HSD17B2: variants seen among roughly 807,000 people sequenced by gnomAD.
HSD17B2 encodes the protein hydroxysteroid 17-beta dehydrogenase 2, also known as 17-beta-hydroxysteroid dehydrogenase type 2.
A neutral mutation model predicts 26.9 loss-of-function variants in HSD17B2; 32 were observed. That is an observed-to-expected ratio of 1.19 (90% CI 0.90 to 1.60). The LOEUF (loss-of-function observed/expected upper bound fraction) is 1.60, where lower values mean the gene tolerates loss of function less well. Among genes scored for constraint, HSD17B2 ranks in the 40% most tolerant of loss-of-function variants. The pLI, the probability that HSD17B2 is intolerant of heterozygous loss-of-function variation, is 0.00. For missense variants in HSD17B2, 613 were observed against 468.6 expected (o/e 1.31, Z -2.85); for synonymous variants, 246 against 186.7 (o/e 1.32, Z -2.59).
At chr16:82,057,623 T>C (rs757035381) in intron 1 of HSD17B2, among the ~76,000 whole-genome samples, 1 of 152,154 alleles carries the variant, frequency 6.6e-6, no homozygotes, top group Non-Finnish European at 1.5e-5. Flanking sequence ...CAGGTCAACA[T>C]CTTCCAGGTC....
chr16:82,094,443 G>A (rs1247346576), intron 4 of HSD17B2: 2 of 152,256 alleles, frequency 1.3e-5, no homozygotes, highest in African/African-American at 2.4e-5. Flanking sequence ...GCTGAGTTGG[G>A]GTGGATAACA....
At chr16:82,090,406 C>A (rs1244400455) in intron 3 of HSD17B2, among the ~76,000 whole-genome samples, 1 of 145,046 alleles carries the variant, frequency 6.9e-6, no homozygotes, top group Non-Finnish European at 1.5e-5. Flanking sequence ...CAACCTCTGC[C>A]CCCTGGGGTC....
At position 82,091,107 on chromosome 16, in the gene HSD17B2, G is replaced by C. The variant is rs1377243683; in HGVS notation, c.802+68G>C. ...GGAACCCCGAAGGTCCTCTTGGTCTGACAGAGCACACATTGAACCCCTCAT... is the reference window on the plus strand; with the variant it reads ...GGAACCCCGAAGGTCCTCTTGGTCTCACAGAGCACACATTGAACCCCTCAT... On this transcript the variant is annotated intron_variant, in intron 4 of 4. Coordinates refer to ENST00000199936, the MANE Select transcript of HSD17B2 (RefSeq NM_002153.3). The C allele has an allele frequency of 2.0e-6, 3 of 1,464,812 alleles. No individual in the cohort carries two copies. The African/African-American group carries it at 4.2e-5, about 20-fold the overall frequency. The allele number at this position is 1,464,812 out of a possible 1,614,324, so 90.7% of individuals were successfully genotyped here. A position where few individuals can be genotyped will look rare whatever the true frequency, so the allele number is the denominator to read the frequency against.
At chr16:82,070,416 AC>A (rs1914671288) in intron 2 of HSD17B2, among the ~76,000 whole-genome samples, 1 of 152,080 alleles carries the variant, frequency 6.6e-6, no homozygotes, top group Non-Finnish European at 1.5e-5. Context: ...CCTCCTTGCA[AC>A]CCATCTTTCC....
At chr16:82,084,554 A>AT (rs1399615924) in intron 3 of HSD17B2, among the ~76,000 whole-genome samples, 14 of 136,944 alleles carry the variant, frequency 1.0e-4, no homozygotes, top group South Asian at 5.1e-4. Flanking sequence ...TCTTTTTATT[A>AT]TTATTTTTTT....
Position 82,068,253 on chromosome 16 carries a change from A to G in HSD17B2, c.349A>G (p.Asn117Asp), listed in dbSNP as rs1305286757. The change falls in exon 2 of 5, where the codon AAT (asparagine) becomes GAT (aspartate). Residue 117 changes from asparagine to aspartate, a missense_variant. Transcript: ENST00000199936. ...GGTATTTGCCGGAGTTTTGAATGAA[A>G]ATGGCCCAGGAGCTGAGGAATTGCG... ...FTVFAGVLNE[N>D]GPGAEELRRT... 6.2e-7 allele frequency: 1 copy of G among 1,613,812 alleles called. No individual in the cohort carries two copies. Among genetic ancestry groups the G allele is most frequent in the Non-Finnish European group, 8.5e-7 (1 of 1,179,992 alleles).
At chr16:82,041,217 C>A (rs942694170) in intron 1 of HSD17B2, among the ~76,000 whole-genome samples, 2 of 152,196 alleles carry the variant, frequency 1.3e-5, no homozygotes, top group Non-Finnish European at 2.9e-5. Context: ...TCTTCTCAGT[C>A]TCTCAGCACG....
At chr16:82,037,125 G>C (rs1185385889) in intron 1 of HSD17B2, among the ~76,000 whole-genome samples, 4 of 152,216 alleles carry the variant, frequency 2.6e-5, no homozygotes, top group African/African-American at 9.7e-5. Context: ...TGTTGAGTGA[G>C]GATGATTGAA....
intron 2 of HSD17B2, among the ~76,000 whole-genome samples, chr16:82,069,121 G>A (rs1426234483): frequency 1.3e-5 from 2 of 152,056 alleles, no homozygotes; most frequent in South Asian, 2.1e-4. Flanking sequence ...GCGTCCATGT[G>A]TTCTCACTGT....
At chr16:82,055,545 T>A (rs183696079) in intron 1 of HSD17B2, among the ~76,000 whole-genome samples, 2 of 152,272 alleles carry the variant, frequency 1.3e-5, no homozygotes, top group Non-Finnish European at 2.9e-5. Flanking sequence ...ATGGAGTAAG[T>A]AGCACATATG....
At chr16:82,066,778 C>A (rs948007175) in intron 1 of HSD17B2, among the ~76,000 whole-genome samples, 4 of 152,100 alleles carry the variant, frequency 2.6e-5, no homozygotes, top group Non-Finnish European at 5.9e-5. Context: ...CTTAACAAAG[C>A]ATCTTGGAGC....
At chr16:82,070,877 T>A in intron 2 of HSD17B2, 65 bp from the exon 3 acceptor site, 1 of 1,435,036 alleles carries the variant, frequency 7.0e-7, no homozygotes. Context: ...GTCTTCCAGG[T>A]ATTGCAGGTT....
chr16:82,077,161 A>G (rs1273361276), intron 3 of HSD17B2, among the ~76,000 whole-genome samples: 2 of 152,214 alleles, frequency 1.3e-5, no homozygotes, highest in Non-Finnish European at 2.9e-5. Flanking sequence ...AAATAGAAAA[A>G]GAAATCCTGA....
chr16:82,060,606 T>G (rs986548739), intron 1 of HSD17B2, among the ~76,000 whole-genome samples: 1 of 152,254 alleles, frequency 6.6e-6, no homozygotes, highest in Non-Finnish European at 1.5e-5. Flanking sequence ...ATGAAATGCC[T>G]ATTCAGATCA....
intron 3 of HSD17B2, chr16:82,072,098 G>A (rs1423013688): frequency 6.6e-6 from 1 of 152,098 alleles, no homozygotes; most frequent in Non-Finnish European, 1.5e-5. Flanking sequence ...AAATATAGTT[G>A]TCCATCACAT....
chr16:82,072,208 T>A (rs1178934654), intron 3 of HSD17B2, among the ~76,000 whole-genome samples: 1 of 151,382 alleles, frequency 6.6e-6, no homozygotes, highest in Non-Finnish European at 1.5e-5. Context: ...AAGAAGAAGG[T>A]AGGGAGAGAG....
chr16:82,094,727 T>G (rs1904789988), intron 4 of HSD17B2: 2 of 152,196 alleles, frequency 1.3e-5, no homozygotes, highest in Admixed American at 6.5e-5. Flanking sequence ...GAAGACATTC[T>G]AAGAGACATT....
intron 4 of HSD17B2, chr16:82,095,666 G>A (rs1904818668): frequency 1.3e-5 from 2 of 152,212 alleles, no homozygotes; most frequent in Non-Finnish European, 2.9e-5. Context: ...AAACCTATAG[G>A]AACAACTGGA....
At chr16:82,078,213 T>G (rs959583906) in intron 3 of HSD17B2, among the ~76,000 whole-genome samples, 23 of 152,168 alleles carry the variant, frequency 1.5e-4, no homozygotes, top group African/African-American at 5.5e-4. Context: ...ATTTAAAATG[T>G]ACAAAAGATC....
Sources: gnomAD v4.1 joint callset for allele counts (sites outside exome capture counted in the v4.1 genomes callset) on GRCh38, gnomAD v4.1.1 for gene constraint, MANE v1.5 for transcripts, NCBI Gene and HGNC (gene_info 2026-07-23, HGNC 2026-07-21) for gene names.